Variants in ADAMTS12 observed in about 807,000 individuals in gnomAD.
ADAMTS12 encodes A disintegrin and metalloproteinase with thrombospondin motifs 12.
In ADAMTS12, 118 loss-of-function variants were observed where a neutral mutation model predicts 167.8. The ratio of observed to expected loss-of-function variants is 0.70; its 90% CI spans 0.61 to 0.82. The LOEUF (loss-of-function observed/expected upper bound fraction) is 0.82. Among genes scored for constraint, ADAMTS12 ranks in the 40% least tolerant of loss-of-function variants. The pLI is 0.00. For missense variants in ADAMTS12, 1,916 were observed against 1,998.8 expected, an observed-to-expected ratio of 0.96 and a Z score of 0.79; for synonymous variants, 704 against 716.9, an observed-to-expected ratio of 0.98 and a Z score of 0.29.
intron 3 of ADAMTS12, among the ~76,000 whole-genome samples, chr5:33,737,478 A>G (rs1202772020): frequency 6.6e-6 from 1 of 152,186 alleles, no homozygotes; most frequent in Non-Finnish European, 1.5e-5. Flanking sequence ...AATAAGTAAA[A>G]AGAATTCTGG....
chr5:33,585,192 G>A (rs1747285173), intron 18 of ADAMTS12, among the ~76,000 whole-genome samples: 1 of 151,960 alleles, frequency 6.6e-6, no homozygotes, highest in Non-Finnish European at 1.5e-5. Context: ...GCTCTCATTG[G>A]GGGTACCAGG....
intron 3 of ADAMTS12, among the ~76,000 whole-genome samples, chr5:33,688,651 G>C (rs1442005555): frequency 1.3e-5 from 2 of 152,154 alleles, no homozygotes; most frequent in Non-Finnish European, 2.9e-5. Flanking sequence ...AGTAGTGCTA[G>C]GGAGCAAAGA....
chr5:33,636,095 A>C (rs1404996529), intron 12 of ADAMTS12, among the ~76,000 whole-genome samples: 2 of 152,208 alleles, frequency 1.3e-5, no homozygotes, highest in Non-Finnish European at 2.9e-5. Flanking sequence ...GCTTGCAAAC[A>C]AATGAAAAGC....
chr5:33,826,843 G>A (rs1748089747), intron 2 of ADAMTS12, among the ~76,000 whole-genome samples: 1 of 152,060 alleles, frequency 6.6e-6, no homozygotes, highest in African/African-American at 2.4e-5. Context: ...CAGAACTGCA[G>A]CCATCTATGT....
chr5:33,684,403 T>A (rs1742247678), intron 3 of ADAMTS12, among the ~76,000 whole-genome samples: 1 of 152,198 alleles, frequency 6.6e-6, no homozygotes, highest in Non-Finnish European at 1.5e-5. Flanking sequence ...ACCTGGCTTT[T>A]AAATGCCACA....
intron 2 of ADAMTS12, among the ~76,000 whole-genome samples, chr5:33,769,523 T>C (rs1421754679): frequency 1.3e-5 from 2 of 151,992 alleles, no homozygotes; most frequent in African/African-American, 4.8e-5. Context: ...TTAAAATGAG[T>C]CCATTTTATT....
intron 14 of ADAMTS12, among the ~76,000 whole-genome samples, chr5:33,622,969 C>T (rs895906071): frequency 2.0e-5 from 3 of 152,082 alleles, no homozygotes; most frequent in Non-Finnish European, 4.4e-5. Context: ...CATCTCACAA[C>T]TTAAGCTTAG....
intron 2 of ADAMTS12, among the ~76,000 whole-genome samples, chr5:33,870,964 T>C (rs1037928776): frequency 3.9e-5 from 6 of 152,214 alleles, no homozygotes; most frequent in Non-Finnish European, 8.8e-5. Context: ...CTTTTCTTTA[T>C]AAATTACCCA....
At chr5:33,639,550 T>C (rs1380137456) in intron 11 of ADAMTS12, among the ~76,000 whole-genome samples, 2 of 152,162 alleles carry the variant, frequency 1.3e-5, no homozygotes, top group Non-Finnish European at 2.9e-5. Context: ...GCAGAAGGCA[T>C]GTCGAGCGAG....
chr5:33,680,438 T>C (rs1742068196), intron 5 of ADAMTS12, among the ~76,000 whole-genome samples: 1 of 152,066 alleles, frequency 6.6e-6, no homozygotes, highest in South Asian at 2.1e-4. Flanking sequence ...GTCAAGATTT[T>C]TCCTTCTGTT....
rs117714093 is a variant in ADAMTS12, at chr5:33,779,746, C to T, written c.490-28198G>A. 0.012 allele frequency among the ~76,000 whole-genome samples: 1,791 copies of T among 152,262 alleles called. 79 individuals are homozygous for T. In the East Asian group the frequency reaches 0.14, roughly 12 times the overall value. ...GAAAGATAAATACTACATGATCTCACTTATATGTGGAATCTAAAACAGTTG... is the reference window on the plus strand; with the variant it reads ...GAAAGATAAATACTACATGATCTCATTTATATGTGGAATCTAAAACAGTTG... On this transcript the variant is annotated intron_variant, in intron 2 of 23. Coordinates refer to ENST00000504830, the MANE Select transcript of ADAMTS12 (RefSeq NM_030955.4).
At chr5:33,579,121 G>A (rs1746919160) in intron 18 of ADAMTS12, among the ~76,000 whole-genome samples, 1 of 152,192 alleles carries the variant, frequency 6.6e-6, no homozygotes, top group African/African-American at 2.4e-5. Flanking sequence ...TATCTTCCTG[G>A]TTTGCTGCAC....
chr5:33,745,270 C>T (rs879519584), intron 3 of ADAMTS12, among the ~76,000 whole-genome samples: 4 of 152,186 alleles, frequency 2.6e-5, no homozygotes, highest in Admixed American at 2.6e-4. Flanking sequence ...CTCCTGCCTC[C>T]ACCCAAGGCA....
At chr5:33,837,106 G>GC (rs1250684755) in intron 2 of ADAMTS12, among the ~76,000 whole-genome samples, 1 of 152,154 alleles carries the variant, frequency 6.6e-6, no homozygotes, top group South Asian at 2.1e-4. Flanking sequence ...CACCAGACAA[G>GC]CCCCACTGTG....
At chr5:33,543,466 C>A (rs978415260) in intron 22 of ADAMTS12, among the ~76,000 whole-genome samples, 1 of 152,186 alleles carries the variant, frequency 6.6e-6, no homozygotes, top group Non-Finnish European at 1.5e-5. Flanking sequence ...TATTCTGAAA[C>A]TATTCCAATC....
chr5:33,828,881 A>G (rs1229014909), intron 2 of ADAMTS12, among the ~76,000 whole-genome samples: 1 of 152,118 alleles, frequency 6.6e-6, no homozygotes, highest in African/African-American at 2.4e-5. Flanking sequence ...TGCCCTGAAC[A>G]TCCTCTTTCG....
intron 12 of ADAMTS12, among the ~76,000 whole-genome samples, chr5:33,633,884 AT>A (rs1010146139): frequency 5.3e-5 from 8 of 151,712 alleles, no homozygotes; most frequent in Non-Finnish European, 1.0e-4. Flanking sequence ...GGGTCATGTG[AT>A]TTTTTTTCCC....
chr5:33,807,592 T>G (rs1747287302), intron 2 of ADAMTS12, among the ~76,000 whole-genome samples: 1 of 152,216 alleles, frequency 6.6e-6, no homozygotes, highest in Non-Finnish European at 1.5e-5. Context: ...GACTTAATTA[T>G]TGTTTTCATA....
At chr5:33,737,771 C>T (rs897752473) in intron 3 of ADAMTS12, among the ~76,000 whole-genome samples, 2 of 152,114 alleles carry the variant, frequency 1.3e-5, no homozygotes, top group Admixed American at 6.6e-5. Flanking sequence ...GTTTTGCCAC[C>T]AAGGGAGTTT....
Sources: gnomAD v4.1 joint callset for allele counts (sites outside exome capture counted in the v4.1 genomes callset) on GRCh38, gnomAD v4.1.1 for gene constraint, MANE v1.5 for transcripts, NCBI Gene and HGNC (gene_info 2026-07-23, HGNC 2026-07-21) for gene names.